GNAI1: variants seen among roughly 807,000 people sequenced by gnomAD.
The protein encoded by GNAI1 is guanine nucleotide-binding protein G(i) subunit alpha-1.
GNAI1 carries 11 observed loss-of-function variants against 38.9 expected under a neutral mutation model. That is an observed-to-expected ratio of 0.28 (90% CI 0.18 to 0.47). The LOEUF (loss-of-function observed/expected upper bound fraction) is 0.47. Among genes scored for constraint, GNAI1 ranks in the 20% least tolerant of loss-of-function variants. The pLI is 0.99. For missense variants in GNAI1, 317 were observed against 436.9 expected (o/e 0.73, Z 2.45); for synonymous variants, 166 against 145.1 (o/e 1.14, Z -1.04).
chr7:80,141,084 A>G (rs1287514691), intron 1 of GNAI1, among the ~76,000 whole-genome samples: 1 of 152,212 alleles, frequency 6.6e-6, no homozygotes, highest in African/African-American at 2.4e-5. Context: ...TAATAGTCCC[A>G]TCTCAAGATC....
chr7:80,159,292 T>C (rs1787876831), intron 1 of GNAI1, among the ~76,000 whole-genome samples: 1 of 152,168 alleles, frequency 6.6e-6, no homozygotes, highest in African/African-American at 2.4e-5. Context: ...GACACCATAC[T>C]CAGAAACATA....
At chr7:80,148,620 C>A (rs1787670256) in intron 1 of GNAI1, among the ~76,000 whole-genome samples, 1 of 151,702 alleles carries the variant, frequency 6.6e-6, no homozygotes, top group Non-Finnish European at 1.5e-5. Context: ...AAGCTAAAAA[C>A]CATTTTGAAT....
chr7:80,204,271 A>G (rs1443698766), intron 5 of GNAI1, among the ~76,000 whole-genome samples: 1 of 152,070 alleles, frequency 6.6e-6, no homozygotes, highest in Non-Finnish European at 1.5e-5. Context: ...TTTTCTTCAT[A>G]GGGAACTTAC....
intron 1 of GNAI1, among the ~76,000 whole-genome samples, chr7:80,160,072 A>G (rs1398198026): frequency 6.6e-6 from 1 of 152,010 alleles, no homozygotes; most frequent in Non-Finnish European, 1.5e-5. Context: ...CTCAGAGGCA[A>G]CTCTGTTGCG....
At chr7:80,180,328 T>A (rs969735565) in intron 1 of GNAI1, among the ~76,000 whole-genome samples, 2 of 135,564 alleles carry the variant, frequency 1.5e-5, no homozygotes, top group African/African-American at 6.4e-5. Flanking sequence ...ATAAAGTGTG[T>A]GTGTGTGTGT....
intron 5 of GNAI1, among the ~76,000 whole-genome samples, chr7:80,208,628 T>TATGACC (rs1788819848): frequency 6.6e-6 from 1 of 152,196 alleles, no homozygotes; most frequent in African/African-American, 2.4e-5. Flanking sequence ...GTTCTTTGTT[T>TATGACC]ATGACCATGA....
chr7:80,214,092 A>G (rs1288646077), intron 7 of GNAI1, among the ~76,000 whole-genome samples: 1 of 152,158 alleles, frequency 6.6e-6, no homozygotes, highest in Non-Finnish European at 1.5e-5. Flanking sequence ...ACTAGGCTAC[A>G]TTTAATTAAA....
chr7:80,172,598 G>A (rs1788115603), intron 1 of GNAI1, among the ~76,000 whole-genome samples: 1 of 151,920 alleles, frequency 6.6e-6, no homozygotes. Context: ...TAACCAAAAT[G>A]TACTCATTTC....
chr7:80,206,201 A>C (rs933319229), intron 5 of GNAI1, among the ~76,000 whole-genome samples: 1 of 152,012 alleles, frequency 6.6e-6, no homozygotes, highest in East Asian at 1.9e-4. Context: ...GCTTTATTTC[A>C]ATTTTTCATG....
intron 6 of GNAI1, among the ~76,000 whole-genome samples, chr7:80,211,494 T>A (rs576941748): frequency 6.6e-5 from 10 of 151,094 alleles, no homozygotes; most frequent in African/African-American, 2.4e-4. Flanking sequence ...CTCTGCTCAC[T>A]GCAACCTCCA....
chr7:80,145,945 C>T (rs367754673), intron 1 of GNAI1, among the ~76,000 whole-genome samples: 6 of 152,050 alleles, frequency 3.9e-5, no homozygotes, highest in African/African-American at 4.8e-5. Flanking sequence ...TCAGCTGTTT[C>T]GAGTGCTTTG....
intron 1 of GNAI1, among the ~76,000 whole-genome samples, chr7:80,136,516 T>C (rs1787419432): frequency 6.6e-6 from 1 of 152,208 alleles, no homozygotes; most frequent in Admixed American, 6.5e-5. Flanking sequence ...ATTTTGCAAG[T>C]AAACTGTGAA....
At chr7:80,144,859 T>C (rs1787591031) in intron 1 of GNAI1, among the ~76,000 whole-genome samples, 1 of 152,210 alleles carries the variant, frequency 6.6e-6, no homozygotes, top group Non-Finnish European at 1.5e-5. Flanking sequence ...ACTAGCTCAC[T>C]TAAGTTTTCA....
At chr7:80,212,088 T>C (rs943404082) in intron 6 of GNAI1, among the ~76,000 whole-genome samples, 2 of 152,134 alleles carry the variant, frequency 1.3e-5, no homozygotes, top group East Asian at 3.9e-4. Flanking sequence ...CTAATCCCCC[T>C]GAGTATACCG....
intron 1 of GNAI1, among the ~76,000 whole-genome samples, chr7:80,146,664 C>CG (rs904798110): frequency 3.9e-5 from 6 of 152,032 alleles, no homozygotes; most frequent in Non-Finnish European, 7.4e-5. Flanking sequence ...CATAGGCTCC[C>CG]GGGGTGCTTG....
intron 2 of GNAI1, 41 bp downstream of exon 2, chr7:80,189,034 G>T (rs1219262206): frequency 6.2e-7 from 1 of 1,601,746 alleles, no homozygotes; most frequent in African/African-American, 1.3e-5. Context: ...TTAAGTTAGT[G>T]TACCGTTCTA....
chr7:80,162,281 C>A (rs2037953611), intron 1 of GNAI1, among the ~76,000 whole-genome samples: 1 of 152,068 alleles, frequency 6.6e-6, no homozygotes, highest in African/African-American at 2.4e-5. Flanking sequence ...TTTAGGCCAC[C>A]CAGTCTGTGA....
Position 80,221,058 on chromosome 7 carries a change from T to TA in GNAI1, c.*3566dup, listed in dbSNP as rs1789064207. On this transcript the variant is annotated 3_prime_UTR_variant, in exon 8 of 8. Transcript: ENST00000649796. ...ACCTTATGTAAATGAATTTAGTTGA[T>TA]ACTGTAATCATTATTACAGATGGTA... 6.6e-6 allele frequency among the ~76,000 whole-genome samples: 1 copy of TA among 152,218 alleles called. No homozygotes were observed. The highest frequency in any genetic ancestry group is 1.5e-5 in the Non-Finnish European group (1 of 68,034).
At chr7:80,186,604 C>T (rs187915131) in intron 1 of GNAI1, among the ~76,000 whole-genome samples, 5 of 152,248 alleles carry the variant, frequency 3.3e-5, no homozygotes, top group South Asian at 2.1e-4. Flanking sequence ...TCAAAACTCA[C>T]GAGCTTACAT....
Sources: gnomAD v4.1 joint callset for allele counts (sites outside exome capture counted in the v4.1 genomes callset) on GRCh38, gnomAD v4.1.1 for gene constraint, MANE v1.5 for transcripts, NCBI Gene and HGNC (gene_info 2026-07-23, HGNC 2026-07-21) for gene names.